The following SYNE3 variants were observed in gnomAD, a reference collection of about 807,000 sequenced individuals.
SYNE3 encodes the protein nesprin-3.
A neutral mutation model predicts 111.2 loss-of-function variants in SYNE3; 100 were observed. The observed-to-expected ratio is 0.90, with a 90% confidence interval of 0.77 to 1.06. The LOEUF (loss-of-function observed/expected upper bound fraction) is 1.06. SYNE3 is among the 50% of genes least tolerant of loss of function. The pLI, the probability that SYNE3 is intolerant of heterozygous loss-of-function variation, is 0.00. For synonymous variants in SYNE3, 547 were observed against 533.9 expected, an observed-to-expected ratio of 1.02 and a Z score of -0.34; for missense variants, 1,160 against 1,240.3, an observed-to-expected ratio of 0.94 and a Z score of 0.97.
chr14:95,478,223 A>G (rs1889007960), intron 1 of SYNE3, among the ~76,000 whole-genome samples: 1 of 152,184 alleles, frequency 6.6e-6, no homozygotes, highest in South Asian at 2.1e-4. Flanking sequence ...GCTTCAGTTC[A>G]ATGAAACACA....
chr14:95,419,817 TGTGA>T (rs1174831817), intron 17 of SYNE3, among the ~76,000 whole-genome samples: 4 of 146,440 alleles, frequency 2.7e-5, no homozygotes, highest in African/African-American at 1.0e-4. Context: ...TGATGGTAAG[TGTGA>T]GTGATAGAGA....
At chr14:95,511,766 A>T (rs932574980) in intron 1 of SYNE3, among the ~76,000 whole-genome samples, 1 of 152,122 alleles carries the variant, frequency 6.6e-6, no homozygotes, top group Non-Finnish European at 1.5e-5. Flanking sequence ...TGATCCTATC[A>T]GTTTAATCTC....
chr14:95,493,115 G>T (rs1470711127), intron 1 of SYNE3, among the ~76,000 whole-genome samples: 1 of 152,056 alleles, frequency 6.6e-6, no homozygotes, highest in East Asian at 1.9e-4. Flanking sequence ...CATAGCTCAG[G>T]CTCAAAGGAA....
rs538386007 is a variant in SYNE3, at chr14:95,449,345, G to C, written c.1449+586C>G. The C allele has an allele frequency of 3.8e-5, 30 of 799,778 alleles. No homozygotes were observed. The African/African-American group carries it at 5.2e-4, about 14-fold the overall frequency. 49.5% of individuals were successfully genotyped at this position (799,778 alleles called of 1,614,324 possible). ...CCAACCAATGAGATGTGAGGGGAGT[G>C]TGCGGGTGTCAGGGGAAGATTTGAA... On this transcript the variant is annotated intron_variant, in intron 8 of 17. Coordinates refer to ENST00000682763, the MANE Select transcript of SYNE3 (RefSeq NM_152592.6).
intron 11 of SYNE3, among the ~76,000 whole-genome samples, chr14:95,440,887 T>G (rs1191576103): frequency 6.6e-6 from 1 of 152,212 alleles, no homozygotes; most frequent in Non-Finnish European, 1.5e-5. Context: ...TTAAAAAAAG[T>G]AATCGAGCTG....
At position 95,466,352 on chromosome 14, in the gene SYNE3, T is replaced by A. The variant is rs552495955; in HGVS notation, c.318-112A>T. The stretch of plus-strand genomic sequence containing the variant: ...ACTAGGGGGCTGTGGTCTGGGGGCA[T>A]GATGATGCCCTTTCTGGCCTCTGAG... On this transcript the variant is annotated intron_variant, in intron 3 of 17. Coordinates refer to ENST00000682763, the MANE Select transcript of SYNE3 (RefSeq NM_152592.6). 4 of 1,285,870 alleles carry A rather than the reference T, an allele frequency of 3.1e-6. No homozygotes were observed. In the South Asian group the frequency reaches 6.2e-5, roughly 20 times the overall value. The allele number at this position is 1,285,870 out of a possible 1,614,324, so 79.7% of individuals were successfully genotyped here. A position where few individuals can be genotyped will look rare whatever the true frequency, so the allele number is the denominator to read the frequency against.
intron 6 of SYNE3, among the ~76,000 whole-genome samples, chr14:95,452,997 G>A (rs1275801240): frequency 6.6e-6 from 1 of 152,162 alleles, no homozygotes; most frequent in Non-Finnish European, 1.5e-5. Context: ...GCTGTCCTGG[G>A]AAGTTCCACG....
chr14:95,457,379 C>A (rs1382916870), intron 4 of SYNE3, 41 bp from the exon 5 acceptor site: 14 of 1,600,932 alleles, frequency 8.7e-6, no homozygotes, highest in Non-Finnish European at 1.2e-5. Flanking sequence ...GGGTCCCCAG[C>A]CCAGACAGCC....
intron 17 of SYNE3, among the ~76,000 whole-genome samples, chr14:95,427,672 G>A (rs1001970008): frequency 5.9e-5 from 9 of 152,124 alleles, no homozygotes; most frequent in African/African-American, 1.9e-4. Context: ...GTCAATCATT[G>A]GAGATGACTC....
At chr14:95,427,151 T>A (rs1396788967) in intron 17 of SYNE3, among the ~76,000 whole-genome samples, 2 of 151,780 alleles carry the variant, frequency 1.3e-5, no homozygotes, top group Non-Finnish European at 2.9e-5. Flanking sequence ...GAAGACAGAG[T>A]GCAAGCCTTC....
chr14:95,445,577 T>C (rs1886662551), intron 9 of SYNE3, among the ~76,000 whole-genome samples: 1 of 152,262 alleles, frequency 6.6e-6, no homozygotes, highest in Non-Finnish European at 1.5e-5. Context: ...GTTTAAATTT[T>C]ACAAGGACTT....
chr14:95,510,560 C>T (rs774234521), intron 1 of SYNE3, among the ~76,000 whole-genome samples: 11 of 152,228 alleles, frequency 7.2e-5, no homozygotes, highest in East Asian at 1.9e-4. Context: ...TAGCCGAGGC[C>T]GGTGGATCGC....
intron 1 of SYNE3, among the ~76,000 whole-genome samples, chr14:95,481,156 C>T (rs1176984097): frequency 1.3e-5 from 2 of 152,236 alleles, no homozygotes; most frequent in African/African-American, 2.4e-5. Flanking sequence ...CAGTCACTGG[C>T]CCAGGACATG....
intron 15 of SYNE3, among the ~76,000 whole-genome samples, chr14:95,433,772 T>C (rs192084374): frequency 5.3e-5 from 8 of 152,330 alleles, no homozygotes; most frequent in Non-Finnish European, 8.8e-5. Context: ...CCTGGCAGAA[T>C]GGTGTTTTAA....
chr14:95,432,706 G>A lies in SYNE3; in HGVS notation c.2688+554C>T, dbSNP rs931672311. Among the ~76,000 whole-genome samples the A allele has an allele frequency of 3.3e-5, 5 of 151,178 alleles. No individual in the cohort carries two copies. In the South Asian group the frequency reaches 1.0e-3, roughly 32 times the overall value. On this transcript the variant is annotated intron_variant, in intron 16 of 17. Transcript: ENST00000682763. ...GGTGTGAGGAGACACAGGGGCCCCC[G>A]AAAAGGAAGGTGCTTGCTCAACTAA...
At chr14:95,494,501 C>T (rs1889997124) in intron 1 of SYNE3, among the ~76,000 whole-genome samples, 1 of 152,134 alleles carries the variant, frequency 6.6e-6, no homozygotes, top group African/African-American at 2.4e-5. Context: ...CAATTGTTAA[C>T]AAAGAGAGAC....
rs184825567 is a variant in SYNE3 at position 95,485,410 on chromosome 14, C to G, written c.-14-9575G>C. Among the ~76,000 whole-genome samples the G allele has an allele frequency of 3.7e-4, 57 of 152,234 alleles. No homozygotes were observed. The highest frequency in any genetic ancestry group is 6.6e-4 in the Non-Finnish European group (45 of 68,008). ...CCTGGAGCCACCTTAATCAATAGAC[C>G]TGAGGCATTCACTTGAGAGTGAGAA... On this transcript the variant is annotated intron_variant, in intron 1 of 17. Transcript: ENST00000682763. The surrounding 1 kb of genome is among the most constrained non-coding windows in gnomAD (Gnocchi z 4.3).
chr14:95,415,076 A>C lies in SYNE3; in HGVS notation c.*2750T>G, dbSNP rs997159750. 6.6e-5 allele frequency: 10 copies of C among 151,894 alleles called. No homozygotes were observed. Among genetic ancestry groups the C allele is most frequent in the African/African-American group, 2.4e-4 (10 of 41,358 alleles). The allele number at this position is 151,894 out of a possible 1,614,324, so 9.4% of individuals were successfully genotyped here. On this transcript the variant is annotated 3_prime_UTR_variant, in exon 18 of 18. Coordinates refer to ENST00000682763, the MANE Select transcript of SYNE3 (RefSeq NM_152592.6). Reference sequence around the variant, plus strand: ...GTGGTATATGTGACAGGCTGCATACATGCCCAGTGGCTGTTTTTTTCATGT... The same window carrying C: ...GTGGTATATGTGACAGGCTGCATACCTGCCCAGTGGCTGTTTTTTTCATGT...
intron 5 of SYNE3, among the ~76,000 whole-genome samples, chr14:95,456,446 T>C (rs572538265): frequency 9.9e-5 from 15 of 152,248 alleles, no homozygotes; most frequent in Non-Finnish European, 2.2e-4. Flanking sequence ...CGCTCTGTGC[T>C]GTGTGGGGCT....
Sources: gnomAD v4.1 joint callset for allele counts (sites outside exome capture counted in the v4.1 genomes callset) on GRCh38, gnomAD v4.1.1 for gene constraint, Gnocchi (gnomAD v3.1) non-coding constraint, MANE v1.5 for transcripts, NCBI Gene and HGNC (gene_info 2026-07-23, HGNC 2026-07-21) for gene names.